DPYSL2: variants seen among roughly 807,000 people sequenced by gnomAD.
DPYSL2 encodes dihydropyrimidinase like 2, also known as dihydropyrimidinase-related protein 2.
DPYSL2 carries 13 observed loss-of-function variants against 69.9 expected under a neutral mutation model. The observed-to-expected ratio is 0.19, with a 90% CI of 0.12 to 0.30. DPYSL2 has a LOEUF of 0.30. Ranked by LOEUF, DPYSL2 falls within the 10% of genes least tolerant of loss-of-function variation. The probability of loss-of-function intolerance (pLI) is 1.00; values close to 1 mark genes in which losing one functional copy is unlikely to be tolerated. For synonymous variants in DPYSL2, 326 were observed against 359.1 expected, an observed-to-expected ratio of 0.91 and a Z score of 1.04; for missense variants, 587 against 918.9, an observed-to-expected ratio of 0.64 and a Z score of 4.67.
intron 7 of DPYSL2, among the ~76,000 whole-genome samples, chr8:26,633,850 G>C (rs1305689298): frequency 6.6e-6 from 1 of 152,254 alleles, no homozygotes; most frequent in African/African-American, 2.4e-5. Context: ...GTACCAGGCT[G>C]TGGCTGGCCA....
intron 11 of DPYSL2, among the ~76,000 whole-genome samples, chr8:26,649,515 G>A (rs1280177967): frequency 2.0e-5 from 3 of 152,176 alleles, no homozygotes; most frequent in Admixed American, 1.3e-4. Context: ...ACCTCCAGGT[G>A]ACCTATGGAA....
At position 26,652,562 on chromosome 8, in the gene DPYSL2, A is replaced by T; in HGVS notation, c.1776+126A>T. 3 of 1,075,438 alleles carry T rather than the reference A, an allele frequency of 2.8e-6. No homozygotes were observed. Among genetic ancestry groups the T allele is most frequent in the Non-Finnish European group, 3.9e-6 (3 of 765,222 alleles). 66.6% of individuals were successfully genotyped at this position (1,075,438 alleles called of 1,614,324 possible). On this transcript the variant is annotated intron_variant, in intron 12 of 13. Transcript: ENST00000521913. This position sits in a 1 kb window ranked among gnomAD's most constrained non-coding sequence, Gnocchi z 6.3. ...TTAGTGGATTCCAGGGATAAGAGGGAGCCTGAATTTTTTATTCCTGGCATT... is the reference window on the plus strand; with the variant it reads ...TTAGTGGATTCCAGGGATAAGAGGGTGCCTGAATTTTTTATTCCTGGCATT...
chr8:26,621,230 G>C lies in DPYSL2; in HGVS notation c.629-2913G>C, dbSNP rs1312180213. ...TGAATAGGTTGATTTTGGGGTGGTG[G>C]TGGTAATGGGATTATTAACTTTCCC... On this transcript the variant is annotated intron_variant, in intron 3 of 13. Coordinates refer to ENST00000521913, the MANE Select transcript of DPYSL2 (RefSeq NM_001197293.3). This position sits in a 1 kb window ranked among gnomAD's most constrained non-coding sequence, Gnocchi z 4.9. Among the ~76,000 whole-genome samples, 1 of 152,198 alleles carries C rather than the reference G, an allele frequency of 6.6e-6. No homozygotes were observed. Among genetic ancestry groups the C allele is most frequent in the Non-Finnish European group, 1.5e-5 (1 of 68,036 alleles).
intron 11 of DPYSL2, among the ~76,000 whole-genome samples, chr8:26,651,814 A>T (rs1372717445): frequency 6.6e-6 from 1 of 152,146 alleles, no homozygotes; most frequent in African/African-American, 2.4e-5. Context: ...CACACCGCAA[A>T]CAGACTAGAA....
intron 11 of DPYSL2, among the ~76,000 whole-genome samples, chr8:26,649,800 T>C (rs941896222): frequency 6.6e-6 from 1 of 152,140 alleles, no homozygotes; most frequent in East Asian, 1.9e-4. Flanking sequence ...AGGTTAAAAA[T>C]GTCTATGCAT....
chr8:26,578,250 G>C (rs757008595), intron 1 of DPYSL2: 3 of 1,614,152 alleles, frequency 1.9e-6, no homozygotes, highest in Non-Finnish European at 8.5e-7. Context: ...TTTCCCAGGA[G>C]AGAGATGTCT....
intron 7 of DPYSL2, among the ~76,000 whole-genome samples, chr8:26,629,321 CAT>C (rs1382921255): frequency 1.3e-5 from 2 of 151,356 alleles, no homozygotes; most frequent in African/African-American, 4.9e-5. Context: ...CACACACACA[CAT>C]ACACATAGAC....
intron 1 of DPYSL2, among the ~76,000 whole-genome samples, chr8:26,548,876 T>G (rs1281617324): frequency 1.3e-5 from 2 of 149,918 alleles, no homozygotes; most frequent in East Asian, 4.0e-4. Flanking sequence ...AGACCTCATC[T>G]CAAAAACAAA....
At chr8:26,550,286 G>C (rs1024658800) in intron 1 of DPYSL2, among the ~76,000 whole-genome samples, 1 of 152,092 alleles carries the variant, frequency 6.6e-6, no homozygotes, top group African/African-American at 2.4e-5. Flanking sequence ...GCTAAAAAGG[G>C]ACATAATTGA....
rs1164134621 is a variant in DPYSL2 at position 26,648,598 on chromosome 8, G to A, written c.1596+798G>A. Among the ~76,000 whole-genome samples the A allele has an allele frequency of 6.6e-6, 1 of 152,230 alleles. No homozygotes were observed. The highest frequency in any genetic ancestry group is 2.4e-5 in the African/African-American group (1 of 41,458). Reference sequence around the variant, plus strand: ...GAAAAACTGAAGGAATATGCCCAGAGGGAGAGCTTTGGAAAAGAAATGGGC... The same window carrying A: ...GAAAAACTGAAGGAATATGCCCAGAAGGAGAGCTTTGGAAAAGAAATGGGC... On this transcript the variant is annotated intron_variant, in intron 11 of 13. Coordinates refer to ENST00000521913, the MANE Select transcript of DPYSL2 (RefSeq NM_001197293.3). The surrounding 1 kb of genome is among the most constrained non-coding windows in gnomAD (Gnocchi z 4.3).
At chr8:26,536,085 C>T (rs1482436657) in intron 1 of DPYSL2, among the ~76,000 whole-genome samples, 1 of 150,710 alleles carries the variant, frequency 6.6e-6, no homozygotes, top group Non-Finnish European at 1.5e-5. Flanking sequence ...CCATGCCCAG[C>T]TAATTTTTGT....
chr8:26,603,221 G>A (rs1802033356), intron 3 of DPYSL2, among the ~76,000 whole-genome samples: 1 of 152,058 alleles, frequency 6.6e-6, no homozygotes, highest in African/African-American at 2.4e-5. Context: ...CTCCCAGGCT[G>A]GAGTGCAGTG....
intron 1 of DPYSL2, among the ~76,000 whole-genome samples, chr8:26,528,795 G>A (rs1208848542): frequency 2.0e-5 from 3 of 152,190 alleles, no homozygotes; most frequent in Admixed American, 2.0e-4. Context: ...AGGGAAATAG[G>A]TGGCCAAGAG....
Position 26,514,347 on chromosome 8 carries a change from G to A in DPYSL2, c.22G>A (p.Gly8Arg). MAERKQSGKAAEDEEVPA... is the reference protein window; with the variant it reads MAERKQSRKAAEDEEVPA... ...AGCCATGGCCGAGAGAAAGCAATCC[G>A]GGAAGGCGGCAGAGGACGAAGAGGT... Residue 8 changes from glycine to arginine, a missense_variant, in exon 1 of 14, where the codon GGG becomes AGG. Physicochemically the swap from Gly to Arg is moderately radical, Grantham distance 125. Coordinates refer to ENST00000521913, the MANE Select transcript of DPYSL2 (RefSeq NM_001197293.3). This position sits in a 1 kb window ranked among gnomAD's most constrained non-coding sequence, Gnocchi z 8.4. 6.8e-7 allele frequency: 1 copy of A among 1,473,358 alleles called. No homozygotes were observed. The highest frequency in any genetic ancestry group is 9.0e-7 in the Non-Finnish European group (1 of 1,117,034). The allele number at this position is 1,473,358 out of a possible 1,614,324, so 91.3% of individuals were successfully genotyped here.
intron 3 of DPYSL2, among the ~76,000 whole-genome samples, chr8:26,594,900 G>C (rs1801823182): frequency 6.6e-6 from 1 of 152,110 alleles, no homozygotes; most frequent in African/African-American, 2.4e-5. Context: ...CTTTCTTATT[G>C]GCTGGGCATG....
intron 1 of DPYSL2, among the ~76,000 whole-genome samples, chr8:26,531,577 T>C (rs543063525): frequency 6.6e-6 from 1 of 152,322 alleles, no homozygotes; most frequent in Non-Finnish European, 1.5e-5. Flanking sequence ...TAGATGTAAC[T>C]GATCTGGGCT....
chr8:26,647,614 A>G lies in DPYSL2; in HGVS notation c.1426-16A>G, dbSNP rs779004354. The stretch of plus-strand genomic sequence containing the variant: ...TGCTGTGTGCCTCCTGTGCACACCT[A>G]TGCTGTCTCCCTCAGGTCACTGGGA... On this transcript the variant is annotated splice_polypyrimidine_tract_variant and intron_variant, in intron 10 of 13. Coordinates refer to ENST00000521913, the MANE Select transcript of DPYSL2 (RefSeq NM_001197293.3). The surrounding 1 kb of genome is among the most constrained non-coding windows in gnomAD (Gnocchi z 5.1). 50 of 1,607,564 alleles carry G rather than the reference A, an allele frequency of 3.1e-5. No individual in the cohort carries two copies. Among genetic ancestry groups the G allele is most frequent in the East Asian group, 1.1e-4 (5 of 44,834 alleles).
At chr8:26,555,746 G>C (rs889833371) in intron 1 of DPYSL2, among the ~76,000 whole-genome samples, 1 of 150,792 alleles carries the variant, frequency 6.6e-6, no homozygotes, top group Admixed American at 6.7e-5. Context: ...AATTAGCTTG[G>C]TTGGGGGGCG....
At chr8:26,515,901 G>A (rs1808279212) in intron 1 of DPYSL2, among the ~76,000 whole-genome samples, 1 of 152,180 alleles carries the variant, frequency 6.6e-6, no homozygotes, top group Non-Finnish European at 1.5e-5. Flanking sequence ...GAGTAGTTGG[G>A]AGTGGTCTAT....
Sources: gnomAD v4.1 joint callset for allele counts (sites outside exome capture counted in the v4.1 genomes callset) on GRCh38, gnomAD v4.1.1 for gene constraint, Gnocchi (gnomAD v3.1) non-coding constraint, MANE v1.5 for transcripts, NCBI Gene and HGNC (gene_info 2026-07-23, HGNC 2026-07-21) for gene names.